The following WDPCP variants were observed in gnomAD, a reference collection of about 807,000 sequenced individuals.
WDPCP encodes WD repeat-containing and planar cell polarity effector protein fritz homolog.
WDPCP carries 71 observed loss-of-function variants against 93.1 expected under a neutral mutation model. The ratio of observed to expected loss-of-function variants is 0.76; its 90% CI spans 0.63 to 0.93. WDPCP has a LOEUF of 0.93. Among genes scored for constraint, WDPCP ranks in the 40% least tolerant of loss-of-function variants. The pLI is 0.00. For synonymous variants in WDPCP, 315 were observed against 315.0 expected, an observed-to-expected ratio of 1.00 and a Z score of 0.00; for missense variants, 844 against 887.4, an observed-to-expected ratio of 0.95 and a Z score of 0.62.
chr2:63,194,896 G>T (rs1039395380), intron 14 of WDPCP, among the ~76,000 whole-genome samples: 1 of 152,056 alleles, frequency 6.6e-6, no homozygotes, highest in Admixed American at 6.6e-5. Context: ...ATCAATATCA[G>T]GAATCACAAA....
At chr2:63,839,625 C>A in the WDPCP span, among the ~76,000 whole-genome samples, 1 of 152,218 alleles carries the variant, frequency 6.6e-6, no homozygotes, top group Non-Finnish European at 1.5e-5. Context: ...CTTTTGCAGG[C>A]TAAGTAACCC....
rs1259049665 is a variant in WDPCP at position 63,164,173 on chromosome 2, T to G, written c.2078+10497A>C. On this transcript the variant is annotated intron_variant, in intron 15 of 17. Transcript: ENST00000272321. ...AGGCAACCAGAGAAGTTGACTTATT[T>G]GAAATACAAGAACTAGTTTAGGGCT... Among the ~76,000 whole-genome samples the G allele has an allele frequency of 3.3e-5, 5 of 152,220 alleles. No homozygotes were observed. The South Asian group carries it at 8.3e-4, about 25-fold the overall frequency.
intron 14 of WDPCP, among the ~76,000 whole-genome samples, chr2:63,250,009 G>A (rs1269344586): frequency 2.0e-5 from 3 of 152,122 alleles, no homozygotes. Flanking sequence ...ATGTACCATA[G>A]ATCTTAGCAA....
chr2:63,816,315 A>G (rs1489622227), intron 1 of WDPCP, among the ~76,000 whole-genome samples: 2 of 152,228 alleles, frequency 1.3e-5, no homozygotes, highest in Non-Finnish European at 2.9e-5. Context: ...GTGACTTGAC[A>G]AACTGTGATA....
intron 17 of WDPCP, among the ~76,000 whole-genome samples, chr2:63,134,838 G>C (rs1027165757): frequency 5.3e-5 from 8 of 152,140 alleles, no homozygotes; most frequent in African/African-American, 1.9e-4. Flanking sequence ...CAAAGCTCAA[G>C]ATTGGGGGGC....
At chr2:63,342,836 C>G (rs1688941149) in intron 12 of WDPCP, among the ~76,000 whole-genome samples, 1 of 152,068 alleles carries the variant, frequency 6.6e-6, no homozygotes, top group Admixed American at 6.6e-5. Context: ...TTATTTCTTT[C>G]TATGGCTTTG....
At chr2:63,777,554 G>A (rs1465459158) in intron 2 of WDPCP, among the ~76,000 whole-genome samples, 2 of 152,110 alleles carry the variant, frequency 1.3e-5, no homozygotes, top group Non-Finnish European at 2.9e-5. Flanking sequence ...ACAAATTGTA[G>A]TATATCCATA....
chr2:63,509,527 G>C (rs1234760355), intron 1 of WDPCP, among the ~76,000 whole-genome samples: 1 of 151,392 alleles, frequency 6.6e-6, no homozygotes. Context: ...AAAATAATTA[G>C]AGAAGAGCAA....
At chr2:63,129,676 G>A (rs1670162138) in intron 17 of WDPCP, among the ~76,000 whole-genome samples, 1 of 152,012 alleles carries the variant, frequency 6.6e-6, no homozygotes, top group Non-Finnish European at 1.5e-5. Context: ...CTGGTTATTT[G>A]TCACTTATTA....
chr2:63,414,773 G>A (rs1407549584), intron 9 of WDPCP, among the ~76,000 whole-genome samples: 1 of 152,190 alleles, frequency 6.6e-6, no homozygotes, highest in Non-Finnish European at 1.5e-5. Context: ...ATATGGTGCA[G>A]TGTATACTGC....
intron 4 of WDPCP, among the ~76,000 whole-genome samples, chr2:63,486,150 A>G (rs1048344023): frequency 8.6e-5 from 13 of 151,866 alleles, no homozygotes; most frequent in African/African-American, 3.1e-4. Context: ...AGAAAAGACT[A>G]GAGTGAATAA....
At chr2:63,295,560 A>G (rs368541429) in intron 13 of WDPCP, among the ~76,000 whole-genome samples, 4 of 149,472 alleles carry the variant, frequency 2.7e-5, no homozygotes, top group African/African-American at 9.9e-5. Context: ...AATATTATAT[A>G]AGTACAATCA....
chr2:63,512,967 A>C (rs1357827755), intron 1 of WDPCP, among the ~76,000 whole-genome samples: 2 of 152,194 alleles, frequency 1.3e-5, no homozygotes, highest in Non-Finnish European at 2.9e-5. Context: ...AATTTCCAGA[A>C]TAATGATGAA....
chr2:63,589,230 C>T, upstream of WDPCP: 2 of 1,560,946 alleles, frequency 1.3e-6, no homozygotes, highest in Non-Finnish European at 1.7e-6. Context: ...GATTGATTTC[C>T]ACCTTGCGGG....
intron 6 of WDPCP, among the ~76,000 whole-genome samples, chr2:63,462,464 C>T (rs149997006): frequency 6.6e-6 from 1 of 152,086 alleles, no homozygotes; most frequent in African/African-American, 2.4e-5. Context: ...CAAACCTGCA[C>T]GTTGTGCACA....
At chr2:63,492,689 A>G (rs988963356) in intron 2 of WDPCP, among the ~76,000 whole-genome samples, 167 bp downstream of exon 2, 9 of 152,128 alleles carry the variant, frequency 5.9e-5, no homozygotes, top group African/African-American at 2.2e-4. Context: ...AAATATTGTT[A>G]GTAAGAGTAA....
At position 63,603,605 on chromosome 2, in the gene WDPCP, T is replaced by A. The variant is rs550821208; in HGVS notation, n.488+47054A>T. Among the ~76,000 whole-genome samples the A allele has an allele frequency of 5.9e-5, 9 of 151,856 alleles. No individual in the cohort carries two copies. The East Asian group carries it at 1.5e-3, about 26-fold the overall frequency. ...AATTTATTTTCTGCACATAAACTTATCAGACAAATAACAAGCAGGCTGATT... is the reference window on the plus strand; with the variant it reads ...AATTTATTTTCTGCACATAAACTTAACAGACAAATAACAAGCAGGCTGATT... On this transcript the variant is annotated intron_variant and non_coding_transcript_variant, in intron 3 of 4. Coordinates refer to the WDPCP transcript ENST00000467687.
intron 2 of WDPCP, among the ~76,000 whole-genome samples, chr2:63,681,398 G>A (rs891197980): frequency 9.9e-5 from 15 of 152,188 alleles, no homozygotes; most frequent in African/African-American, 3.4e-4. Flanking sequence ...ATTGGTGGTA[G>A]TCTGGTAGTA....
chr2:63,350,004 C>T (rs776142276), intron 12 of WDPCP, among the ~76,000 whole-genome samples: 53 of 152,220 alleles, frequency 3.5e-4, no homozygotes, highest in African/African-American at 4.8e-4. Context: ...ATGTTTACTG[C>T]GGCACTATTC....
Sources: gnomAD v4.1 joint callset for allele counts (sites outside exome capture counted in the v4.1 genomes callset) on GRCh38, gnomAD v4.1.1 for gene constraint, MANE v1.5 for transcripts, NCBI Gene and HGNC (gene_info 2026-07-23, HGNC 2026-07-21) for gene names.